Variants in CSMD1 observed in about 807,000 individuals in gnomAD.
CSMD1 encodes CUB and Sushi multiple domains 1.
CSMD1 carries 213 observed loss-of-function variants against 417.5 expected under a neutral mutation model. The ratio of observed to expected loss-of-function variants is 0.51; its 90% CI spans 0.46 to 0.57. The LOEUF is 0.57. CSMD1 is among the 20% of genes least tolerant of loss of function. The pLI is 0.00. For missense variants in CSMD1, 6,923 were observed against 4,529.7 expected (o/e 1.53, Z -15.17); for synonymous variants, 2,862 against 1,736.8 (o/e 1.65, Z -16.11).
chr8:4,142,496 G>T (rs556423144), intron 3 of CSMD1, among the ~76,000 whole-genome samples: 2 of 151,180 alleles, frequency 1.3e-5, no homozygotes, highest in Non-Finnish European at 2.9e-5. Flanking sequence ...TCACAAGCTC[G>T]TGAAAAAGGA....
chr8:3,675,577 G>C (rs567620628), intron 7 of CSMD1, among the ~76,000 whole-genome samples: 1 of 151,992 alleles, frequency 6.6e-6, no homozygotes. Context: ...TTTACATGCA[G>C]ACACGAGGGT....
intron 1 of CSMD1, among the ~76,000 whole-genome samples, chr8:4,781,440 C>T (rs914533452): frequency 5.3e-5 from 8 of 152,288 alleles, no homozygotes; most frequent in Admixed American, 4.6e-4. Context: ...AAATAACTGA[C>T]CGTCATCTTA....
chr8:3,333,134 C>G (rs7837800), intron 23 of CSMD1, among the ~76,000 whole-genome samples: 46,838 of 151,988 alleles, frequency 0.31, 7,486 homozygotes, highest in African/African-American at 0.35. Context: ...ACCACTGTGA[C>G]GACCTGAGTT....
At chr8:4,283,285 G>C (rs7832985) in intron 3 of CSMD1, among the ~76,000 whole-genome samples, 5,681 of 152,208 alleles carry the variant, frequency 0.037, 340 homozygotes, top group African/African-American at 0.13. Context: ...TTTTCCATCT[G>C]TGACATTTGA....
chr8:4,209,179 G>A (rs1800156589), intron 3 of CSMD1, among the ~76,000 whole-genome samples: 2 of 152,164 alleles, frequency 1.3e-5, no homozygotes, highest in African/African-American at 2.4e-5. Flanking sequence ...GTTCTTTCCA[G>A]ATGTAGGTGG....
rs569689521 is a variant in CSMD1, at chr8:3,210,568, C to G, written c.4867+3929G>C. On this transcript the variant is annotated intron_variant, in intron 30 of 69. Transcript: ENST00000635120. ...ATACGTGTGTATATATGTATAATTC[C>G]TATACATATGTGTATAAATTAATAT... 3.9e-4 allele frequency among the ~76,000 whole-genome samples: 31 copies of G among 78,908 alleles called. 1 individual carries two copies. Among genetic ancestry groups the G allele is most frequent in the African/African-American group, 1.5e-3 (28 of 18,344 alleles). The allele number at this position is 78,908 out of a possible 152,430, so 51.8% of individuals were successfully genotyped here. A position where few individuals can be genotyped will look rare whatever the true frequency, so the allele number is the denominator to read the frequency against.
chr8:3,815,143 C>T (rs1381494997), intron 5 of CSMD1, among the ~76,000 whole-genome samples: 2 of 152,080 alleles, frequency 1.3e-5, no homozygotes, highest in African/African-American at 2.4e-5. Context: ...TAGTATTTCT[C>T]CCAGATATAG....
At chr8:3,186,784 C>A (rs1821787435) in intron 36 of CSMD1, among the ~76,000 whole-genome samples, 2 of 152,224 alleles carry the variant, frequency 1.3e-5, no homozygotes, top group South Asian at 4.1e-4. Context: ...AGAAGGGACT[C>A]ATGGAAAACA....
chr8:3,618,092 C>T (rs552581861), intron 7 of CSMD1, among the ~76,000 whole-genome samples: 5 of 152,174 alleles, frequency 3.3e-5, no homozygotes, highest in African/African-American at 1.2e-4. Flanking sequence ...GCCTCAACCT[C>T]CCAGGATCAA....
chr8:4,400,860 A>C (rs531492610), intron 3 of CSMD1, among the ~76,000 whole-genome samples: 35 of 152,158 alleles, frequency 2.3e-4, no homozygotes, highest in African/African-American at 8.4e-4. Flanking sequence ...AATAGCAGAA[A>C]AATTGAACTC....
intron 8 of CSMD1, among the ~76,000 whole-genome samples, chr8:3,614,996 G>A (rs1407778165): frequency 1.3e-5 from 2 of 152,198 alleles, no homozygotes; most frequent in Non-Finnish European, 2.9e-5. Context: ...CATAGAATGG[G>A]GAGCCCTTGG....
At chr8:3,847,640 GATGCAC>G (rs1803600112) in intron 5 of CSMD1, among the ~76,000 whole-genome samples, 1 of 152,096 alleles carries the variant, frequency 6.6e-6, no homozygotes, top group African/African-American at 2.4e-5. Flanking sequence ...AGAAAACACG[GATGCAC>G]TGCCTTCAGC....
intron 3 of CSMD1, among the ~76,000 whole-genome samples, chr8:4,299,925 G>C (rs1003741850): frequency 2.0e-5 from 3 of 152,004 alleles, no homozygotes; most frequent in Non-Finnish European, 4.4e-5. Context: ...CACTGCGCCC[G>C]GCCCAGACAC....
Position 3,264,308 on chromosome 8 carries a change from C to T in CSMD1, c.4153+19836G>A, listed in dbSNP as rs111734381. ...ATTATGTTATGGAAACCTCAGGTGGCGTAGTAATGTGAAGATCTGGTATTA... is the reference window on the plus strand; with the variant it reads ...ATTATGTTATGGAAACCTCAGGTGGTGTAGTAATGTGAAGATCTGGTATTA... On this transcript the variant is annotated intron_variant, in intron 26 of 69. Transcript: ENST00000635120. 1.1e-3 allele frequency among the ~76,000 whole-genome samples: 164 copies of T among 152,194 alleles called. 1 individual carries two copies. Among genetic ancestry groups the T allele is most frequent in the African/African-American group, 3.7e-3 (152 of 41,536 alleles).
intron 26 of CSMD1, among the ~76,000 whole-genome samples, chr8:3,244,277 G>T (rs79641118): frequency 1.3e-5 from 2 of 152,058 alleles, no homozygotes; most frequent in Admixed American, 6.6e-5. Flanking sequence ...AGTAGCCTGC[G>T]AAGCTCCTTG....
chr8:3,479,346 T>C (rs1351600429), intron 11 of CSMD1, among the ~76,000 whole-genome samples: 1 of 152,210 alleles, frequency 6.6e-6, no homozygotes, highest in Admixed American at 6.5e-5. Flanking sequence ...AGTGGCATGA[T>C]CTTGGCTCAC....
intron 1 of CSMD1, among the ~76,000 whole-genome samples, chr8:4,991,862 G>A (rs200625939): frequency 6.6e-6 from 1 of 152,178 alleles, no homozygotes; most frequent in African/African-American, 2.4e-5. Context: ...TGACCCCGCA[G>A]GCGTGGAGGA....
chr8:4,554,572 G>A (rs1798008640), intron 2 of CSMD1, among the ~76,000 whole-genome samples: 1 of 152,168 alleles, frequency 6.6e-6, no homozygotes, highest in Admixed American at 6.5e-5. Flanking sequence ...TAAGAGCGAA[G>A]CTGTATATGA....
chr8:3,263,576 T>A (rs1429910169), intron 26 of CSMD1, among the ~76,000 whole-genome samples: 3 of 152,232 alleles, frequency 2.0e-5, no homozygotes, highest in African/African-American at 4.8e-5. Context: ...TTTTTGAAAT[T>A]TCTTACAAAT....
Sources: allele counts gnomAD v4.1 joint callset (sites outside exome capture counted in the v4.1 genomes callset), GRCh38; gene constraint gnomAD v4.1.1; transcripts MANE v1.5; gene names NCBI Gene and HGNC (gene_info 2026-07-23, HGNC 2026-07-21).